The following ANKRD28 variants were observed in gnomAD, a reference collection of about 807,000 sequenced individuals.
ANKRD28 encodes serine/threonine-protein phosphatase 6 regulatory ankyrin repeat subunit A.
In ANKRD28, 44 loss-of-function variants were observed where a neutral mutation model predicts 126.5. The observed-to-expected ratio is 0.35, with a 90% CI of 0.27 to 0.45. The LOEUF (loss-of-function observed/expected upper bound fraction) is 0.45, where lower values mean the gene tolerates loss of function less well. Among genes scored for constraint, ANKRD28 ranks in the 20% least tolerant of loss-of-function variants. The probability of loss-of-function intolerance (pLI) is 1.00; values close to 1 mark genes in which losing one functional copy is unlikely to be tolerated. For missense variants in ANKRD28, 1,110 were observed against 1,316.6 expected (o/e 0.84, Z 2.43); for synonymous variants, 442 against 468.5 (o/e 0.94, Z 0.73).
chr3:15,723,901 C>T (rs2073972214), intron 7 of ANKRD28, among the ~76,000 whole-genome samples: 3 of 152,170 alleles, frequency 2.0e-5, no homozygotes, highest in Admixed American at 6.5e-5. Flanking sequence ...AGCAGCATCC[C>T]CTTTTAACCA....
chr3:15,699,403 A>G (rs1215022371), intron 14 of ANKRD28, among the ~76,000 whole-genome samples: 1 of 152,200 alleles, frequency 6.6e-6, no homozygotes, highest in East Asian at 1.9e-4. Flanking sequence ...GGATCTAATT[A>G]AACTAAAGAG....
chr3:15,714,067 G>A (rs917281575), intron 9 of ANKRD28, among the ~76,000 whole-genome samples: 6 of 152,098 alleles, frequency 3.9e-5, no homozygotes, highest in Non-Finnish European at 8.8e-5. Context: ...TTATCTTGAG[G>A]ATAAATTTCT....
intron 4 of ANKRD28, among the ~76,000 whole-genome samples, chr3:15,751,087 G>A (rs539377761): frequency 6.6e-6 from 1 of 151,764 alleles, no homozygotes; most frequent in Non-Finnish European, 1.5e-5. Context: ...TAACAGCTGA[G>A]TAGTTTTTCA....
chr3:15,774,991 C>T (rs2059188979), intron 2 of ANKRD28, among the ~76,000 whole-genome samples: 1 of 152,248 alleles, frequency 6.6e-6, no homozygotes, highest in South Asian at 2.1e-4. Flanking sequence ...ATTCTCCTGC[C>T]TCAGCCTCCC....
At chr3:15,789,725 C>T (rs905754362) in intron 2 of ANKRD28, among the ~76,000 whole-genome samples, 3 of 151,900 alleles carry the variant, frequency 2.0e-5, no homozygotes, top group Non-Finnish European at 4.4e-5. Flanking sequence ...CTAGTATTTG[C>T]TAGTGAAACT....
intron 6 of ANKRD28, among the ~76,000 whole-genome samples, chr3:15,725,242 T>C (rs976090384): frequency 3.9e-5 from 6 of 152,242 alleles, no homozygotes; most frequent in Non-Finnish European, 7.3e-5. Context: ...GTACATACTA[T>C]GGCATTTTAT....
chr3:15,828,322 C>G (rs2061114357), intron 1 of ANKRD28, among the ~76,000 whole-genome samples: 1 of 152,074 alleles, frequency 6.6e-6, no homozygotes, highest in African/African-American at 2.4e-5. Context: ...GAAGTTAGGG[C>G]TGGACGCGGT....
In ANKRD28 at chr3:15,694,725, A is replaced by G; in HGVS notation, c.1761+14T>C. 6.2e-7 allele frequency: 1 copy of G among 1,610,408 alleles called. No homozygotes were observed. The highest frequency in any genetic ancestry group is 1.1e-5 in the South Asian group (1 of 90,852). The stretch of plus-strand genomic sequence containing the variant: ...ACCAGCAGCCATCAAGTCGGCTATG[A>G]AGGCAGTACTCACAGCCAAGTGTAA... On this transcript the variant is annotated intron_variant, in intron 17 of 27. Transcript: ENST00000683139.
intron 3 of ANKRD28, among the ~76,000 whole-genome samples, chr3:15,761,625 G>A (rs2058462331): frequency 6.6e-6 from 1 of 152,076 alleles, no homozygotes; most frequent in South Asian, 2.1e-4. Context: ...CTATTCTTCT[G>A]ATATTTATTC....
chr3:15,678,388 A>T (rs2067177703), intron 23 of ANKRD28, 34 bp from the exon 24 acceptor site: 1 of 1,572,796 alleles, frequency 6.4e-7, no homozygotes, highest in Admixed American at 1.8e-5. Context: ...ATATGACTAA[A>T]TTTGAATGTT....
chr3:15,728,792 CT>C (rs2074372669), intron 6 of ANKRD28, among the ~76,000 whole-genome samples: 1 of 152,106 alleles, frequency 6.6e-6, no homozygotes, highest in Non-Finnish European at 1.5e-5. Context: ...AGCCAAAAAA[CT>C]CTTTTTCCTT....
At chr3:15,754,679 T>C (rs757901494) in intron 3 of ANKRD28, among the ~76,000 whole-genome samples, 1 of 152,170 alleles carries the variant, frequency 6.6e-6, no homozygotes, top group Non-Finnish European at 1.5e-5. Context: ...ATTTGCTTAA[T>C]ATGCATAAAG....
chr3:15,720,973 G>A lies in ANKRD28; in HGVS notation c.938C>T (p.Thr313Ile), dbSNP rs1208052256. The A allele has an allele frequency of 2.5e-6, 4 of 1,613,768 alleles. No individual in the cohort carries two copies. Among genetic ancestry groups the A allele is most frequent in the Non-Finnish European group, 3.4e-6 (4 of 1,179,848 alleles). ...FTPLHFAAAS[T>I]HGALCLELLV... ...AAGCTCTAAACACAATGCTCCATGT[G>A]TTGATGCAGCAGCAAAGTGCAAAGG... Residue 313 changes from threonine (T) to isoleucine (I), a missense_variant, in exon 8 of 28, where the codon ACA becomes ATA. Transcript: ENST00000683139.
chr3:15,858,442 T>TA (rs1200834752), intron 1 of ANKRD28, among the ~76,000 whole-genome samples: 4 of 152,306 alleles, frequency 2.6e-5, no homozygotes, highest in African/African-American at 9.6e-5. Context: ...TTAAGTAATA[T>TA]AAAAAATAGT....
intron 8 of ANKRD28, 145 bp downstream of exon 8, chr3:15,720,770 G>T: frequency 5.3e-6 from 4 of 749,564 alleles, no homozygotes; most frequent in Non-Finnish European, 8.5e-6. Flanking sequence ...CTTGAGTAAG[G>T]CTTTCACTCA....
intron 2 of ANKRD28, among the ~76,000 whole-genome samples, chr3:15,775,003 A>C (rs531587009): frequency 1.1e-4 from 17 of 152,226 alleles, no homozygotes; most frequent in Admixed American, 2.0e-4. Context: ...CAGCCTCCCC[A>C]GTAGCTGGGA....
chr3:15,802,625 T>C (rs556951460), upstream of ANKRD28, among the ~76,000 whole-genome samples: 1 of 152,206 alleles, frequency 6.6e-6, no homozygotes, highest in African/African-American at 2.4e-5. Flanking sequence ...GAAACAATAA[T>C]CAGAAATCTG....
Position 15,669,329 on chromosome 3 carries a change from G to A in ANKRD28, c.*941C>T, listed in dbSNP as rs1009290467. The A allele has an allele frequency of 6.6e-6, 1 of 152,212 alleles. No individual in the cohort carries two copies. The highest frequency in any genetic ancestry group is 1.5e-5 in the Non-Finnish European group (1 of 68,036). 9.4% of individuals were successfully genotyped at this position (152,212 alleles called of 1,614,324 possible). ...GTGACTAAGGTGTGCCATTCATAGA[G>A]AGGTTGAAGACTCCATGCCCCAGGA... On this transcript the variant is annotated 3_prime_UTR_variant, in exon 28 of 28. Transcript: ENST00000683139.
chr3:15,673,207 G>A (rs2066561198), intron 27 of ANKRD28, among the ~76,000 whole-genome samples: 1 of 152,236 alleles, frequency 6.6e-6, no homozygotes, highest in South Asian at 2.1e-4. Context: ...GAAAGGATTT[G>A]AAGACCCTCT....
Sources: allele counts gnomAD v4.1 joint callset (sites outside exome capture counted in the v4.1 genomes callset), GRCh38; gene constraint gnomAD v4.1.1; transcripts MANE v1.5; gene names NCBI Gene and HGNC (gene_info 2026-07-23, HGNC 2026-07-21).